The following BRIP1 variants were observed in gnomAD, a reference collection of about 807,000 sequenced individuals.
BRIP1 encodes Fanconi anemia group J protein.
BRIP1 carries 88 observed loss-of-function variants against 119.7 expected under a neutral mutation model. That is an observed-to-expected ratio of 0.74 (90% CI 0.62 to 0.88). The LOEUF (loss-of-function observed/expected upper bound fraction) is 0.88. Ranked by LOEUF, BRIP1 falls within the 40% of genes least tolerant of loss-of-function variation. The pLI is 0.00. For missense variants in BRIP1, 1,259 were observed against 1,455.4 expected, an observed-to-expected ratio of 0.87 and a Z score of 2.20; for synonymous variants, 443 against 496.5, an observed-to-expected ratio of 0.89 and a Z score of 1.43.
rs1990338 is a variant in BRIP1, at chr17:61,803,959, T to C, written c.919-2485A>G. Among the ~76,000 whole-genome samples, 120,892 of 152,140 alleles carry C rather than the reference T, an allele frequency of 0.79. 48,689 individuals carry two copies. The highest frequency in any genetic ancestry group is 0.9 in the African/African-American group (37,363 of 41,520). On this transcript the variant is annotated intron_variant, in intron 7 of 19. Transcript: ENST00000259008. The surrounding 1 kb of genome is among the most constrained non-coding windows in gnomAD (Gnocchi z 4.3). ...TTAGCCCTTAAAAATGATTTAGATT[T>C]GTCTATGTGTTGATTAGGCTCTCTA...
At position 61,815,357 on chromosome 17, in the gene BRIP1, G is replaced by C. The variant is rs370021900; in HGVS notation, c.628-6600C>G. ...TAACTTTAATCAAGTGCTCAAAGCA[G>C]ATTGTGACTGATTTGGGTTAGGGCT... is the stretch of plus-strand genomic sequence containing the variant. On this transcript the variant is annotated intron_variant, in intron 6 of 19. Transcript: ENST00000259008. This position sits in a 1 kb window ranked among gnomAD's most constrained non-coding sequence, Gnocchi z 4.1. Among the ~76,000 whole-genome samples the C allele has an allele frequency of 6.6e-6, 1 of 152,132 alleles. No homozygotes were observed. The highest frequency in any genetic ancestry group is 1.5e-5 in the Non-Finnish European group (1 of 67,998).
At chr17:61,850,994 G>A (rs555862997) in intron 4 of BRIP1, among the ~76,000 whole-genome samples, 238 of 152,242 alleles carry the variant, frequency 1.6e-3, no homozygotes, top group African/African-American at 5.5e-3. Flanking sequence ...TTGGGAGGCC[G>A]AGGCAGGTGG....
chr17:61,743,490 A>G lies in BRIP1; in HGVS notation c.2258-356T>C, dbSNP rs113369462. ...TATTACCTTTACCACCTGAAAGTAA[A>G]ATTCTCAGAATAATTGAAATAATTG... On this transcript the variant is annotated intron_variant, in intron 15 of 19. Coordinates refer to ENST00000259008, the MANE Select transcript of BRIP1 (RefSeq NM_032043.3). This position sits in a 1 kb window ranked among gnomAD's most constrained non-coding sequence, Gnocchi z 4.3. Among the ~76,000 whole-genome samples the G allele has an allele frequency of 9.4e-4, 143 of 152,270 alleles. 3 individuals carry two copies. The highest frequency in any genetic ancestry group is 3.2e-3 in the African/African-American group (132 of 41,556).
chr17:61,823,179 T>A lies in BRIP1; in HGVS notation c.628-14422A>T, dbSNP rs1011983327. On this transcript the variant is annotated intron_variant, in intron 6 of 19. Transcript: ENST00000259008. The surrounding 1 kb of genome is among the most constrained non-coding windows in gnomAD (Gnocchi z 4.8). ...TAATGCAACATCTGGCTTATAGTAGTTTTCACTTAGAACAATGCATATATT... is the reference window on the plus strand; with the variant it reads ...TAATGCAACATCTGGCTTATAGTAGATTTCACTTAGAACAATGCATATATT... 6.6e-6 allele frequency among the ~76,000 whole-genome samples: 1 copy of A among 152,246 alleles called. No homozygotes were observed. The highest frequency in any genetic ancestry group is 1.5e-5 in the Non-Finnish European group (1 of 68,048).
rs1345189136 is a variant in BRIP1 at position 61,701,318 on chromosome 17, A to G, written c.2493-7806T>C. 6.6e-6 allele frequency among the ~76,000 whole-genome samples: 1 copy of G among 152,220 alleles called. No homozygotes were observed. The highest frequency in any genetic ancestry group is 2.4e-5 in the African/African-American group (1 of 41,464). On this transcript the variant is annotated intron_variant, in intron 17 of 19. Coordinates refer to ENST00000259008, the MANE Select transcript of BRIP1 (RefSeq NM_032043.3). This position sits in a 1 kb window ranked among gnomAD's most constrained non-coding sequence, Gnocchi z 5.1. The stretch of plus-strand genomic sequence containing the variant: ...GGTTTTTTGTTCTTGTAATTTTTCT[A>G]AAATAATCTTGTAAAGTCTGTATTG...
At position 61,857,248 on chromosome 17, in the gene BRIP1, A is replaced by G. The variant is rs1567875100; in HGVS notation, c.206-17T>C. ...CTGGTTTCCCTAAAAATGAAAGAAC[A>G]TCTATTTATAATATATCTAATTAAA... On this transcript the variant is annotated splice_polypyrimidine_tract_variant and intron_variant, in intron 3 of 19. Transcript: ENST00000259008. This position sits in a 1 kb window ranked among gnomAD's most constrained non-coding sequence, Gnocchi z 5.1. The G allele has an allele frequency of 6.3e-7, 1 of 1,595,372 alleles. No individual in the cohort carries two copies. The highest frequency in any genetic ancestry group is 1.3e-5 in the African/African-American group (1 of 74,188).
chr17:61,762,525 A>G lies in BRIP1; in HGVS notation c.2097+13876T>C, dbSNP rs1375468565. 1.6e-4 allele frequency among the ~76,000 whole-genome samples: 25 copies of G among 152,202 alleles called. No homozygotes were observed. The highest frequency in any genetic ancestry group is 1.5e-5 in the Non-Finnish European group (1 of 68,028). ...ATATAAGAAACTCAAACAACTCATT[A>G]GCAAGAACACAAATAACTCAATTTA... On this transcript the variant is annotated intron_variant, in intron 14 of 19. Coordinates refer to ENST00000259008, the MANE Select transcript of BRIP1 (RefSeq NM_032043.3). This position sits in a 1 kb window ranked among gnomAD's most constrained non-coding sequence, Gnocchi z 4.3.
At chr17:61,859,249 A>G (rs1048805206) in intron 3 of BRIP1, among the ~76,000 whole-genome samples, 12 of 152,270 alleles carry the variant, frequency 7.9e-5, no homozygotes, top group East Asian at 1.9e-4. Context: ...CCCCCCCCAA[A>G]AAAAGCAATT....
In BRIP1 at chr17:61,730,420, A is replaced by G. The variant is rs889101295; in HGVS notation, c.2379+12593T>C. Among the ~76,000 whole-genome samples the G allele has an allele frequency of 6.6e-6, 1 of 152,164 alleles. No individual in the cohort carries two copies. The highest frequency in any genetic ancestry group is 2.4e-5 in the African/African-American group (1 of 41,426). ...TTCAGAGAAGCTAAAAAACAATCCC[A>G]CCACTGCCCTTAAGGTAGAGCTGCT... On this transcript the variant is annotated intron_variant, in intron 16 of 19. Transcript: ENST00000259008. This position sits in a 1 kb window ranked among gnomAD's most constrained non-coding sequence, Gnocchi z 4.3.
intron 18 of BRIP1, among the ~76,000 whole-genome samples, chr17:61,692,920 T>A (rs1406772587): frequency 6.6e-6 from 1 of 152,212 alleles, no homozygotes; most frequent in Admixed American, 6.5e-5. Flanking sequence ...TGCATTCCCA[T>A]GTCCATTGCA....
At position 61,742,266 on chromosome 17, in the gene BRIP1, C is replaced by T. The variant is rs921326302; in HGVS notation, c.2379+747G>A. On this transcript the variant is annotated intron_variant, in intron 16 of 19. Transcript: ENST00000259008. This position sits in a 1 kb window ranked among gnomAD's most constrained non-coding sequence, Gnocchi z 4.7. ...TAAGTTTTGGCTTAAGAGAATGTTA[C>T]GGACAGTTTGATCTTCTTTCCAGAC... is the stretch of plus-strand genomic sequence containing the variant. Among the ~76,000 whole-genome samples the T allele has an allele frequency of 6.6e-6, 1 of 152,154 alleles. No homozygotes were observed. Among genetic ancestry groups the T allele is most frequent in the Non-Finnish European group, 1.5e-5 (1 of 68,028 alleles).
At chr17:61,813,240 T>A (rs1451838239) in intron 6 of BRIP1, among the ~76,000 whole-genome samples, 1 of 151,224 alleles carries the variant, frequency 6.6e-6, no homozygotes, top group Non-Finnish European at 1.5e-5. Context: ...AAAGGAAAAC[T>A]AGGTCAATGA....
intron 6 of BRIP1, among the ~76,000 whole-genome samples, chr17:61,819,565 G>A (rs1486340185): frequency 3.9e-5 from 6 of 152,134 alleles, no homozygotes; most frequent in Non-Finnish European, 8.8e-5. Context: ...ATGAGATCCT[G>A]TCATTTTCAA....
rs947570797 is a variant in BRIP1, at chr17:61,780,606, T to C, written c.1795-205A>G. On this transcript the variant is annotated intron_variant, in intron 12 of 19. Coordinates refer to ENST00000259008, the MANE Select transcript of BRIP1 (RefSeq NM_032043.3). The surrounding 1 kb of genome is among the most constrained non-coding windows in gnomAD (Gnocchi z 5.4). ...AGCCGGGCATGGTGACACATGCCTA[T>C]AGTCCCAGCTACTCGGGAAGCTAAG... 3.9e-5 allele frequency among the ~76,000 whole-genome samples: 6 copies of C among 152,052 alleles called. No homozygotes were observed. The highest frequency in any genetic ancestry group is 2.0e-4 in the Admixed American group (3 of 15,246).
At position 61,755,197 on chromosome 17, in the gene BRIP1, T is replaced by C. The variant is rs2077184219; in HGVS notation, c.2098-10606A>G. 2.6e-5 allele frequency among the ~76,000 whole-genome samples: 4 copies of C among 152,102 alleles called. No individual in the cohort carries two copies. In the South Asian group the frequency reaches 8.3e-4, roughly 31 times the overall value. On this transcript the variant is annotated intron_variant, in intron 14 of 19. Transcript: ENST00000259008. This position sits in a 1 kb window ranked among gnomAD's most constrained non-coding sequence, Gnocchi z 4.5. Reference sequence around the variant, plus strand: ...AATGAAAAATGAAGGTCCAAAACAATGGAAGGTCAGGGAGGAGAGTAGGGA... The same window carrying C: ...AATGAAAAATGAAGGTCCAAAACAACGGAAGGTCAGGGAGGAGAGTAGGGA...
rs531394244 is a variant in BRIP1 at position 61,825,622 on chromosome 17, C to T, written c.628-16865G>A. On this transcript the variant is annotated intron_variant, in intron 6 of 19. Transcript: ENST00000259008. The surrounding 1 kb of genome is among the most constrained non-coding windows in gnomAD (Gnocchi z 4.1). ...AATGCAATCCCATTCACAATTGCCA[C>T]AAATAAATAAATAAATAAATAAATA... Among the ~76,000 whole-genome samples, 29 of 143,404 alleles carry T rather than the reference C, an allele frequency of 2.0e-4. No individual in the cohort carries two copies. The highest frequency in any genetic ancestry group is 4.4e-4 in the African/African-American group (17 of 38,754). 94.1% of individuals were successfully genotyped at this position (143,404 alleles called of 152,430 possible).
In BRIP1 at chr17:61,834,359, G is replaced by A. The variant is rs1056337096; in HGVS notation, c.627+12742C>T. Among the ~76,000 whole-genome samples, 2 of 152,004 alleles carry A rather than the reference G, an allele frequency of 1.3e-5. No homozygotes were observed. The highest frequency in any genetic ancestry group is 1.3e-4 in the Admixed American group (2 of 15,254). ...GTTGAGCTCTGTACAACACCTGATT[G>A]CAGGAGTGAGCCACCACGCTCGGCC... On this transcript the variant is annotated intron_variant, in intron 6 of 19. Transcript: ENST00000259008. This position sits in a 1 kb window ranked among gnomAD's most constrained non-coding sequence, Gnocchi z 4.4.
Position 61,856,733 on chromosome 17 carries a change from C to T in BRIP1, c.379+325G>A, listed in dbSNP as rs1208260023. Among the ~76,000 whole-genome samples, 1 of 152,124 alleles carries T rather than the reference C, an allele frequency of 6.6e-6. No homozygotes were observed. The highest frequency in any genetic ancestry group is 1.5e-5 in the Non-Finnish European group (1 of 67,994). Reference sequence around the variant, plus strand: ...ATTAGATTTCGTCTTAGGATACAAACATTGTTTTATAGAATTCTAACATAT... The same window carrying T: ...ATTAGATTTCGTCTTAGGATACAAATATTGTTTTATAGAATTCTAACATAT... On this transcript the variant is annotated intron_variant, in intron 4 of 19. Coordinates refer to ENST00000259008, the MANE Select transcript of BRIP1 (RefSeq NM_032043.3). This position sits in a 1 kb window ranked among gnomAD's most constrained non-coding sequence, Gnocchi z 5.1.
chr17:61,787,370 A>G (rs1370807244), intron 10 of BRIP1, among the ~76,000 whole-genome samples: 1 of 131,130 alleles, frequency 7.6e-6, no homozygotes, highest in East Asian at 2.2e-4. Flanking sequence ...TATATTATAT[A>G]TAGTTATATA....
Sources: allele counts gnomAD v4.1 joint callset (sites outside exome capture counted in the v4.1 genomes callset), GRCh38; gene constraint gnomAD v4.1.1; non-coding constraint Gnocchi (gnomAD v3.1); transcripts MANE v1.5; gene names NCBI Gene and HGNC (gene_info 2026-07-23, HGNC 2026-07-21).